The following DNAJC8 variants were observed in gnomAD, a reference collection of about 807,000 sequenced individuals.
DNAJC8 encodes DnaJ heat shock protein family (Hsp40) member C8.
DNAJC8 carries 24 observed loss-of-function variants against 43.2 expected under a neutral mutation model. The observed-to-expected ratio is 0.56, with a 90% CI of 0.40 to 0.78. The LOEUF (loss-of-function observed/expected upper bound fraction) is 0.78. DNAJC8 is among the 30% of genes least tolerant of loss of function. The probability of loss-of-function intolerance (pLI) is 0.00; values close to 1 mark genes in which losing one functional copy is unlikely to be tolerated. For synonymous variants in DNAJC8, 83 were observed against 98.0 expected (o/e 0.85, Z 0.90); for missense variants, 207 against 299.4 (o/e 0.69, Z 2.28).
chr1:28,214,365 T>C (rs989365570), intron 3 of DNAJC8, among the ~76,000 whole-genome samples: 25 of 151,900 alleles, frequency 1.6e-4, no homozygotes, highest in African/African-American at 5.6e-4. Flanking sequence ...GGAAACTCTG[T>C]CTCTACCAAA....
chr1:28,214,284 T>C (rs1646835987), intron 3 of DNAJC8, among the ~76,000 whole-genome samples: 1 of 152,050 alleles, frequency 6.6e-6, no homozygotes, highest in East Asian at 1.9e-4. Flanking sequence ...CGGTAATTCC[T>C]GCATTTTGGG....
chr1:28,226,658 T>C (rs886160467), intron 2 of DNAJC8, among the ~76,000 whole-genome samples: 6 of 151,314 alleles, frequency 4.0e-5, no homozygotes, highest in Non-Finnish European at 4.4e-5. Flanking sequence ...TACACATCTA[T>C]TGTGTAGTAA....
At chr1:28,221,569 T>A (rs1646898616) in intron 2 of DNAJC8, among the ~76,000 whole-genome samples, 1 of 152,158 alleles carries the variant, frequency 6.6e-6, no homozygotes. Flanking sequence ...TGCCCAACAA[T>A]CTGTCCCTTC....
intron 2 of DNAJC8, among the ~76,000 whole-genome samples, chr1:28,221,297 C>T (rs920785847): frequency 3.3e-5 from 5 of 152,128 alleles, no homozygotes; most frequent in Non-Finnish European, 7.4e-5. Context: ...CGAGATCGTG[C>T]CCCTGCACTC....
chr1:28,203,863 C>T (rs1157322374), intron 7 of DNAJC8, 41 bp from the exon 8 acceptor site: 1 of 1,589,410 alleles, frequency 6.3e-7, no homozygotes, highest in Admixed American at 1.7e-5. Flanking sequence ...ATGATACTTA[C>T]AGACTGAATT....
chr1:28,222,713 C>T (rs1051205617), intron 2 of DNAJC8, among the ~76,000 whole-genome samples: 2 of 151,916 alleles, frequency 1.3e-5, no homozygotes, highest in African/African-American at 4.8e-5. Flanking sequence ...CCACCTGGAA[C>T]AAGGAAGGCA....
intron 2 of DNAJC8, among the ~76,000 whole-genome samples, chr1:28,226,725 T>TG (rs1646937659): frequency 6.6e-6 from 1 of 151,256 alleles, no homozygotes; most frequent in Non-Finnish European, 1.5e-5. Flanking sequence ...TGCTGTGGTT[T>TG]GGAACTGCTG....
intron 6 of DNAJC8, among the ~76,000 whole-genome samples, chr1:28,207,601 G>A (rs969552022): frequency 2.0e-5 from 3 of 150,580 alleles, no homozygotes; most frequent in African/African-American, 4.9e-5. Flanking sequence ...GTGCCACCAC[G>A]CCCAGATAAT....
At chr1:28,214,276 G>C (rs925862525) in intron 3 of DNAJC8, among the ~76,000 whole-genome samples, 1 of 152,038 alleles carries the variant, frequency 6.6e-6, no homozygotes, top group East Asian at 1.9e-4. Flanking sequence ...GCTCACACCG[G>C]TAATTCCTGC....
chr1:28,205,123 C>T (rs1433070565), intron 7 of DNAJC8, 135 bp downstream of exon 7: 3 of 643,506 alleles, frequency 4.7e-6, no homozygotes, highest in East Asian at 6.0e-5. Context: ...AAAAGCTTGA[C>T]TGTTTTTAGG....
chr1:28,224,037 T>C (rs1221294185), intron 2 of DNAJC8, among the ~76,000 whole-genome samples: 1 of 152,088 alleles, frequency 6.6e-6, no homozygotes, highest in African/African-American at 2.4e-5. Context: ...TGAAGACATA[T>C]GAAAGACACA....
chr1:28,217,361 T>C (rs868437979), intron 2 of DNAJC8, among the ~76,000 whole-genome samples: 35 of 152,078 alleles, frequency 2.3e-4, no homozygotes, highest in African/African-American at 6.5e-4. Context: ...TGGCTCACGC[T>C]TGCAATCCCA....
intron 6 of DNAJC8, among the ~76,000 whole-genome samples, chr1:28,206,731 A>T (rs1646770898): frequency 6.6e-6 from 1 of 152,242 alleles, no homozygotes; most frequent in South Asian, 2.1e-4. Flanking sequence ...TGGAAGTACA[A>T]AAGTAATCTG....
chr1:28,219,128 C>T, intron 2 of DNAJC8, among the ~76,000 whole-genome samples: 1 of 152,134 alleles, frequency 6.6e-6, no homozygotes, highest in Middle Eastern at 3.4e-3. Context: ...ATAAATTCTG[C>T]TGTGTGTATT....
rs552202690 is a variant in DNAJC8, at chr1:28,200,924, A to G, written c.*324T>C. Reference sequence around the variant, plus strand: ...ATTGGATGATTTCCACAAACTATCCACGAAGTTTCTAACCATCACAATTCA... The same window carrying G: ...ATTGGATGATTTCCACAAACTATCCGCGAAGTTTCTAACCATCACAATTCA... On this transcript the variant is annotated 3_prime_UTR_variant, in exon 9 of 9. Transcript: ENST00000263697. 16 of 384,232 alleles carry G rather than the reference A, an allele frequency of 4.2e-5. No individual in the cohort carries two copies. The highest frequency in any genetic ancestry group is 8.8e-4 in the Middle Eastern group (1 of 1,136). The allele number at this position is 384,232 out of a possible 1,614,324, so 23.8% of individuals were successfully genotyped here.
chr1:28,215,304 TAA>T (rs896749771), intron 2 of DNAJC8, among the ~76,000 whole-genome samples: 1 of 152,150 alleles, frequency 6.6e-6, no homozygotes, highest in Non-Finnish European at 1.5e-5. Flanking sequence ...CTTCATTCAT[TAA>T]AAGAGTTTAA....
At chr1:28,211,363 T>A (rs1185880744) in intron 3 of DNAJC8, among the ~76,000 whole-genome samples, 1 of 152,226 alleles carries the variant, frequency 6.6e-6, no homozygotes, top group African/African-American at 2.4e-5. Context: ...GAAACGCTCA[T>A]TGGAACATTT....
chr1:28,221,207 C>T (rs372453921), intron 2 of DNAJC8, among the ~76,000 whole-genome samples: 10 of 151,946 alleles, frequency 6.6e-5, no homozygotes, highest in South Asian at 4.2e-4. Context: ...GGCGTGGTGG[C>T]GGGCGCCTGT....
At chr1:28,221,731 A>C (rs1287069960) in intron 2 of DNAJC8, among the ~76,000 whole-genome samples, 1 of 152,162 alleles carries the variant, frequency 6.6e-6, no homozygotes, top group African/African-American at 2.4e-5. Context: ...TCTCCAGCAA[A>C]TCATCTTCCC....
Sources: gnomAD v4.1 joint callset for allele counts (sites outside exome capture counted in the v4.1 genomes callset) on GRCh38, gnomAD v4.1.1 for gene constraint, MANE v1.5 for transcripts, NCBI Gene and HGNC (gene_info 2026-07-23, HGNC 2026-07-21) for gene names.